Variants in SLC4A4 observed in about 807,000 individuals in gnomAD.
The protein encoded by SLC4A4 is electrogenic sodium bicarbonate cotransporter 1.
Under a neutral mutation model 111.5 loss-of-function variants are expected in SLC4A4, and 27 were observed. The observed-to-expected ratio is 0.24, with a 90% CI of 0.18 to 0.33. SLC4A4 has a LOEUF of 0.33. Ranked by LOEUF, SLC4A4 falls within the 10% of genes least tolerant of loss-of-function variation. The probability of loss-of-function intolerance (pLI) is 1.00; values close to 1 mark genes in which losing one functional copy is unlikely to be tolerated. For synonymous variants in SLC4A4, 443 were observed against 463.4 expected, an observed-to-expected ratio of 0.96 and a Z score of 0.57; for missense variants, 909 against 1,315.5, an observed-to-expected ratio of 0.69 and a Z score of 4.78.
chr4:71,362,607 GC>G (rs1488555322), intron 6 of SLC4A4, among the ~76,000 whole-genome samples: 1 of 152,232 alleles, frequency 6.6e-6, no homozygotes, highest in Non-Finnish European at 1.5e-5. Context: ...TATTCCCTCT[GC>G]CCTTTGTTAA....
intron 2 of SLC4A4, among the ~76,000 whole-genome samples, chr4:71,181,930 G>A (rs945373086): frequency 1.3e-5 from 2 of 152,150 alleles, no homozygotes; most frequent in Non-Finnish European, 2.9e-5. Context: ...GTGAAAGGGA[G>A]TGCTGTTATC....
At chr4:71,065,935 G>A (rs901586669) in intron 1 of SLC4A4, among the ~76,000 whole-genome samples, 1 of 151,946 alleles carries the variant, frequency 6.6e-6, no homozygotes. Context: ...CCTCCTACTA[G>A]ATGATCACTC....
intron 1 of SLC4A4, among the ~76,000 whole-genome samples, chr4:71,200,353 CTT>C (rs2149002360): frequency 6.6e-6 from 1 of 152,234 alleles, no homozygotes; most frequent in Non-Finnish European, 1.5e-5. Flanking sequence ...CTAAAATTAT[CTT>C]AAGATATTTT....
At chr4:71,133,433 T>C (rs903925864) in intron 2 of SLC4A4, among the ~76,000 whole-genome samples, 3 of 152,204 alleles carry the variant, frequency 2.0e-5, no homozygotes, top group African/African-American at 7.2e-5. Flanking sequence ...GCTCACATAG[T>C]TGGCAAATTG....
intron 3 of SLC4A4, among the ~76,000 whole-genome samples, chr4:71,286,136 A>G (rs796924475): frequency 1.2e-4 from 18 of 152,242 alleles, no homozygotes; most frequent in African/African-American, 4.3e-4. Flanking sequence ...GCTACCAGGG[A>G]GGCTGAGGCA....
At chr4:71,552,064 C>T (rs1736040703) in intron 20 of SLC4A4, among the ~76,000 whole-genome samples, 1 of 151,796 alleles carries the variant, frequency 6.6e-6, no homozygotes, top group Admixed American at 6.6e-5. Context: ...TTCTGCTGGG[C>T]AATTGCAGCA....
At chr4:71,236,097 G>C in intron 1 of SLC4A4, 2 of 1,006,042 alleles carry the variant, frequency 2.0e-6, no homozygotes, top group South Asian at 8.5e-5. Flanking sequence ...CTCTCTGCGT[G>C]TGGGTGGGTG....
chr4:71,451,135 A>T, intron 10 of SLC4A4, 53 bp from the exon 11 acceptor site: 1 of 1,155,978 alleles, frequency 8.7e-7, no homozygotes, highest in Admixed American at 1.7e-5. Context: ...ACAGCTAAGA[A>T]GCGAATGAAT....
At chr4:71,544,801 C>A (rs1735369129) in intron 18 of SLC4A4, among the ~76,000 whole-genome samples, 1 of 151,980 alleles carries the variant, frequency 6.6e-6, no homozygotes, top group African/African-American at 2.4e-5. Flanking sequence ...AGGTGAGAAG[C>A]TGCATATTTT....
chr4:71,390,450 A>G (rs1719152353), intron 6 of SLC4A4, among the ~76,000 whole-genome samples: 1 of 152,182 alleles, frequency 6.6e-6, no homozygotes. Flanking sequence ...TTCTTTTACA[A>G]TTATATTGCT....
intron 2 of SLC4A4, among the ~76,000 whole-genome samples, chr4:71,151,446 T>G (rs1320828778): frequency 6.6e-6 from 1 of 152,090 alleles, no homozygotes; most frequent in Non-Finnish European, 1.5e-5. Flanking sequence ...AAGTCTTCAT[T>G]TTCTCTCTCT....
chr4:71,440,021 C>T, intron 7 of SLC4A4, among the ~76,000 whole-genome samples: 1 of 151,958 alleles, frequency 6.6e-6, no homozygotes, highest in East Asian at 1.9e-4. Flanking sequence ...AAAGTCTTTG[C>T]ATTTCCCATT....
intron 7 of SLC4A4, among the ~76,000 whole-genome samples, chr4:71,417,728 A>C (rs933734560): frequency 6.6e-6 from 1 of 152,234 alleles, no homozygotes; most frequent in African/African-American, 2.4e-5. Flanking sequence ...GTATCTTTAC[A>C]GAACCAAAAC....
At chr4:71,496,750 T>G (rs1560561749) in intron 15 of SLC4A4, among the ~76,000 whole-genome samples, 2 of 152,074 alleles carry the variant, frequency 1.3e-5, no homozygotes, top group African/African-American at 4.8e-5. Context: ...AGCACAGCAC[T>G]GACCCCACAA....
At chr4:71,414,186 C>G (rs545207580) in intron 7 of SLC4A4, among the ~76,000 whole-genome samples, 194 of 152,314 alleles carry the variant, frequency 1.3e-3, no homozygotes, top group African/African-American at 4.5e-3. Context: ...TCCCTGGATC[C>G]CCATCAGCCA....
At chr4:71,274,167 A>T (rs1346546075) in intron 3 of SLC4A4, among the ~76,000 whole-genome samples, 2 of 152,234 alleles carry the variant, frequency 1.3e-5, no homozygotes, top group African/African-American at 2.4e-5. Context: ...ATAAAATGTT[A>T]TTAAAATGTC....
intron 2 of SLC4A4, among the ~76,000 whole-genome samples, chr4:71,254,677 A>T (rs1721311002): frequency 6.6e-6 from 1 of 152,048 alleles, no homozygotes; most frequent in South Asian, 2.1e-4. Context: ...TTTTAATGTA[A>T]AGCCTTACCC....
chr4:71,473,224 T>G, intron 14 of SLC4A4: 1 of 634,464 alleles, frequency 1.6e-6, no homozygotes, highest in South Asian at 1.8e-5. Flanking sequence ...ACTCAAACTG[T>G]GGGATTTGCA....
chr4:71,547,811 G>T, intron 20 of SLC4A4, 91 bp downstream of exon 20: 1 of 1,093,438 alleles, frequency 9.1e-7, no homozygotes, highest in South Asian at 1.2e-5. Context: ...AGATATTTGC[G>T]AGATTCTCAT....
Sources: gnomAD v4.1 joint callset for allele counts (sites outside exome capture counted in the v4.1 genomes callset) on GRCh38, gnomAD v4.1.1 for gene constraint, MANE v1.5 for transcripts, NCBI Gene and HGNC (gene_info 2026-07-23, HGNC 2026-07-21) for gene names.